The following RRP8 variants were observed in gnomAD, a reference collection of about 807,000 sequenced individuals.
The protein encoded by RRP8 is ribosomal RNA-processing protein 8.
In RRP8, 48 loss-of-function variants were observed where a neutral mutation model predicts 45.0. The ratio of observed to expected loss-of-function variants is 1.07; its 90% CI spans 0.85 to 1.36. The LOEUF (loss-of-function observed/expected upper bound fraction) is 1.36. Ranked by LOEUF, RRP8 falls within the 40% of genes most tolerant of loss-of-function variation. The probability of loss-of-function intolerance (pLI) is 0.00; values close to 1 mark genes in which losing one functional copy is unlikely to be tolerated. For synonymous variants in RRP8, 274 were observed against 212.4 expected, an observed-to-expected ratio of 1.29 and a Z score of -2.52; for missense variants, 658 against 573.7, an observed-to-expected ratio of 1.15 and a Z score of -1.50.
Position 6,603,604 on chromosome 11 carries a change from A to T in RRP8, c.-102T>A. ...CAGACCTGCCAGAACCGACCCGGAA[A>T]CCAAAGCGTGACAGCCAGGGGTTGC... On this transcript the variant is annotated 5_prime_UTR_variant, in exon 1 of 7. Transcript: ENST00000254605. 1 of 695,404 alleles carries T rather than the reference A, an allele frequency of 1.4e-6. No homozygotes were observed. Among genetic ancestry groups the T allele is most frequent in the East Asian group, 3.2e-5 (1 of 31,580 alleles). The allele number at this position is 695,404 out of a possible 1,614,324, so 43.1% of individuals were successfully genotyped here.
At position 6,600,923 on chromosome 11, in the gene RRP8, T is replaced by C. The variant is rs755801608; in HGVS notation, c.1047+3A>G. The stretch of plus-strand genomic sequence containing the variant: ...GCACAAGCCAGATAACATAGGGGTT[T>C]ACCTGGGCCATGTCACACACAGTGA... On this transcript the variant is annotated splice_donor_region_variant and intron_variant, in intron 4 of 6. Transcript: ENST00000254605. The C allele has an allele frequency of 1.1e-5, 18 of 1,614,032 alleles. No homozygotes were observed. The African/African-American group carries it at 2.0e-4, about 18-fold the overall frequency.
Position 6,598,978 on chromosome 11 carries a change from A to G in RRP8, c.*1168T>C, listed in dbSNP as rs1426468617. ...GATCTGAGTCCACTGCAAGGCAGAG[A>G]TAGTGGACAGACTCTTCCGCCAATG... On this transcript the variant is annotated 3_prime_UTR_variant, in exon 7 of 7. Transcript: ENST00000254605. 6.6e-6 allele frequency: 1 copy of G among 152,310 alleles called. No homozygotes were observed. The highest frequency in any genetic ancestry group is 1.5e-5 in the Non-Finnish European group (1 of 68,088). 9.4% of individuals were successfully genotyped at this position (152,310 alleles called of 1,614,324 possible).
In RRP8 at chr11:6,595,122, G is replaced by C. The variant is rs1854205461; in HGVS notation, c.*5024C>G. 1 of 151,602 alleles carries C rather than the reference G, an allele frequency of 6.6e-6. No individual in the cohort carries two copies. Among genetic ancestry groups the C allele is most frequent in the Non-Finnish European group, 1.5e-5 (1 of 67,952 alleles). 9.4% of individuals were successfully genotyped at this position (151,602 alleles called of 1,614,324 possible). ...GACAGGATCTCAGTTATCCAGGCCG[G>C]AGTACAGTGGCACAATCATAGCTCA... On this transcript the variant is annotated 3_prime_UTR_variant, in exon 7 of 7. Coordinates refer to ENST00000254605, the MANE Select transcript of RRP8 (RefSeq NM_015324.4).
Position 6,601,155 on chromosome 11 carries a change from C to T in RRP8, c.911G>A (p.Arg304His), listed in dbSNP as rs373412100. The T allele has an allele frequency of 4.1e-5, 66 of 1,613,556 alleles. No individual in the cohort carries two copies. The highest frequency in any genetic ancestry group is 1.6e-4 in the Middle Eastern group (1 of 6,078). The change falls in exon 3 of 7, where the codon CGC becomes CAC. Residue 304 changes from arginine (R) to histidine (H), a missense_variant. Coordinates refer to ENST00000254605, the MANE Select transcript of RRP8 (RefSeq NM_015324.4). ...QPVDRIARDL[R>H]QRPASLVVAD... ...GTCCCTGACCCCCATTCACCGCTGG[C>T]GAAGATCCCTGGCGATGCGGTCCAC...
At chr11:6,600,440 G>T in intron 6 of RRP8, 46 bp downstream of exon 6, 1 of 1,561,140 alleles carries the variant, frequency 6.4e-7, no homozygotes, top group Non-Finnish European at 8.8e-7. Context: ...ACCCTGAATA[G>T]GGCCACATGA....
rs1238498649 is a variant in RRP8, at chr11:6,596,178, C to T, written c.*3968G>A. On this transcript the variant is annotated 3_prime_UTR_variant, in exon 7 of 7. Transcript: ENST00000254605. Reference sequence around the variant, plus strand: ...AGAAAGAGGACATTTGGGTGAGCATCTGGCCAGTTTCTTCCACAGAAGCAA... The same window carrying T: ...AGAAAGAGGACATTTGGGTGAGCATTTGGCCAGTTTCTTCCACAGAAGCAA... The T allele has an allele frequency of 6.6e-6, 1 of 152,254 alleles. No homozygotes were observed. The highest frequency in any genetic ancestry group is 1.5e-5 in the Non-Finnish European group (1 of 68,066). 9.4% of individuals were successfully genotyped at this position (152,254 alleles called of 1,614,324 possible). A position where few individuals can be genotyped will look rare whatever the true frequency, so the allele number is the denominator to read the frequency against.
rs369458106 is a variant in RRP8, at chr11:6,603,365, G to A, written c.99+39C>T. On this transcript the variant is annotated intron_variant, in intron 1 of 6. Coordinates refer to ENST00000254605, the MANE Select transcript of RRP8 (RefSeq NM_015324.4). ...TGGGATCCACCAATGTCCGCTTCGCGGCCTGAAACAGCTCCCATTGCTCCC... is the reference window on the plus strand; with the variant it reads ...TGGGATCCACCAATGTCCGCTTCGCAGCCTGAAACAGCTCCCATTGCTCCC... 888 of 1,453,276 alleles carry A rather than the reference G, an allele frequency of 6.1e-4. 1 individual carries two copies. The highest frequency in any genetic ancestry group is 7.2e-4 in the Non-Finnish European group (762 of 1,056,768). The allele number at this position is 1,453,276 out of a possible 1,614,324, so 90.0% of individuals were successfully genotyped here.
chr11:6,602,094 T>G lies in RRP8; in HGVS notation c.221A>C (p.Lys74Thr). ...GGCAAATGATGCCTTTTTGGGGCAT[T>G]TCTTCTTCCTTTCCTCCTCCTCCTC... ...SEEEEEERKK[K>T]CPKKASFASA... Residue 74 changes from lysine (K) to threonine (T), a missense_variant, in exon 2 of 7, where the codon AAA (lysine) becomes ACA (threonine). By Grantham distance (78) the Lys-to-Thr change is moderately conservative. Transcript: ENST00000254605. The G allele has an allele frequency of 6.2e-7, 1 of 1,613,398 alleles. No individual in the cohort carries two copies. Among genetic ancestry groups the G allele is most frequent in the Non-Finnish European group, 8.5e-7 (1 of 1,179,520 alleles).
At position 6,596,647 on chromosome 11, in the gene RRP8, G is replaced by A. The variant is rs1294944704; in HGVS notation, c.*3499C>T. 1 of 152,252 alleles carries A rather than the reference G, an allele frequency of 6.6e-6. No individual in the cohort carries two copies. The highest frequency in any genetic ancestry group is 1.5e-5 in the Non-Finnish European group (1 of 68,056). The allele number at this position is 152,252 out of a possible 1,614,324, so 9.4% of individuals were successfully genotyped here. ...GCTGGTCAGAGAATTCACCTGGGAAGGAGGATGACCAGGGGATGAAAGGTT... is the reference window on the plus strand; with the variant it reads ...GCTGGTCAGAGAATTCACCTGGGAAAGAGGATGACCAGGGGATGAAAGGTT... On this transcript the variant is annotated 3_prime_UTR_variant, in exon 7 of 7. Transcript: ENST00000254605.
chr11:6,602,898 G>C (rs1250463574), intron 1 of RRP8, among the ~76,000 whole-genome samples: 1 of 152,174 alleles, frequency 6.6e-6, no homozygotes, highest in African/African-American at 2.4e-5. Context: ...CTGATTCTAA[G>C]TTTCCCACAC....
intron 3 of RRP8, 39 bp downstream of exon 3, chr11:6,601,110 C>T: frequency 6.2e-7 from 1 of 1,613,878 alleles, no homozygotes; most frequent in Non-Finnish European, 8.5e-7. Flanking sequence ...TATGACTGAC[C>T]CACCACATGG....
intron 3 of RRP8, 35 bp downstream of exon 3, chr11:6,601,114 C>G: frequency 1.9e-6 from 3 of 1,613,820 alleles, no homozygotes; most frequent in Non-Finnish European, 1.7e-6. Flanking sequence ...ACTGACCCAC[C>G]ACATGGCTTC....
intron 1 of RRP8, among the ~76,000 whole-genome samples, chr11:6,602,669 CAG>C (rs1854448903): frequency 2.6e-5 from 4 of 152,172 alleles, no homozygotes; most frequent in Admixed American, 2.6e-4. Flanking sequence ...AAATTGCAGA[CAG>C]AGAGGCCAGC....
chr11:6,598,873 C>T lies in RRP8; in HGVS notation c.*1273G>A, dbSNP rs140881262. 13 of 152,394 alleles carry T rather than the reference C, an allele frequency of 8.5e-5. No homozygotes were observed. The East Asian group carries it at 2.5e-3, about 29-fold the overall frequency. The allele number at this position is 152,394 out of a possible 1,614,324, so 9.4% of individuals were successfully genotyped here. On this transcript the variant is annotated 3_prime_UTR_variant, in exon 7 of 7. Coordinates refer to ENST00000254605, the MANE Select transcript of RRP8 (RefSeq NM_015324.4). Reference sequence around the variant, plus strand: ...TTTATACCTGGGCACATGGCAGATACCTTTTGGGGGAGGCCTAGAATCTAT... The same window carrying T: ...TTTATACCTGGGCACATGGCAGATATCTTTTGGGGGAGGCCTAGAATCTAT...
rs1214018474 is a variant in RRP8, at chr11:6,597,871, C to A, written c.*2275G>T. ...CGCCACCGCATTCCAGCCTGGGCCA[C>A]AGAGCAAGACTCTGTCTTAAAAAAA... On this transcript the variant is annotated 3_prime_UTR_variant, in exon 7 of 7. Transcript: ENST00000254605. 1 of 145,046 alleles carries A rather than the reference C, an allele frequency of 6.9e-6. No homozygotes were observed. Among genetic ancestry groups the A allele is most frequent in the Non-Finnish European group, 1.5e-5 (1 of 67,026 alleles). The allele number at this position is 145,046 out of a possible 1,614,324, so 9.0% of individuals were successfully genotyped here. A position where few individuals can be genotyped will look rare whatever the true frequency, so the allele number is the denominator to read the frequency against.
intron 6 of RRP8, 68 bp downstream of exon 6, chr11:6,600,418 C>T: frequency 1.3e-6 from 2 of 1,484,494 alleles, no homozygotes; most frequent in African/African-American, 1.4e-5. Flanking sequence ...AGCCTCCTTC[C>T]TGAACACCAG....
Position 6,601,601 on chromosome 11 carries a change from A to G in RRP8, c.465T>C (p.Gly155=). 1 of 1,596,764 alleles carries G rather than the reference A, an allele frequency of 6.3e-7. No individual in the cohort carries two copies. Among genetic ancestry groups the G allele is most frequent in the Non-Finnish European group, 8.5e-7 (1 of 1,177,614 alleles). ...AQHLDNVDQT[G]PKAWKGSTTN... ...TAGTACTACCCTTCCAGGCTTTGGG[A>G]CCTACAGGGAGGGAGATGGGAAGGT... Residue 155 remains glycine, a splice_region_variant and synonymous_variant, in exon 3 of 7, where the codon GGT becomes GGC. Transcript: ENST00000254605.
At position 6,601,598 on chromosome 11, in the gene RRP8, G is replaced by A. The variant is rs1407244891; in HGVS notation, c.468C>T (p.Pro156=). ...TTGTAGTACTACCCTTCCAGGCTTT[G>A]GGACCTACAGGGAGGGAGATGGGAA... ...QHLDNVDQTG[P]KAWKGSTTND... The change falls in exon 3 of 7, where the codon CCC becomes CCT. Residue 156 remains proline, a synonymous_variant. Transcript: ENST00000254605. 4 of 1,597,018 alleles carry A rather than the reference G, an allele frequency of 2.5e-6. No individual in the cohort carries two copies. The highest frequency in any genetic ancestry group is 3.4e-6 in the Non-Finnish European group (4 of 1,177,714).
At chr11:6,601,800 A>G in intron 2 of RRP8, 52 bp downstream of exon 2, 1 of 1,527,468 alleles carries the variant, frequency 6.5e-7, no homozygotes, top group Middle Eastern at 1.7e-4. Context: ...GAACCAGCTG[A>G]CCCCCCGACA....
Sources: allele counts gnomAD v4.1 joint callset (sites outside exome capture counted in the v4.1 genomes callset), GRCh38; gene constraint gnomAD v4.1.1; transcripts MANE v1.5; gene names NCBI Gene and HGNC (gene_info 2026-07-23, HGNC 2026-07-21).